The following ZNRF1 variants were observed in gnomAD, a reference collection of about 807,000 sequenced individuals.
The protein encoded by ZNRF1 is E3 ubiquitin-protein ligase ZNRF1.
Under a neutral mutation model 18.4 loss-of-function variants are expected in ZNRF1, and 3 were observed. The observed-to-expected ratio is 0.16, with a 90% CI of 0.07 to 0.42. ZNRF1 has a LOEUF of 0.42. ZNRF1 is among the 10% of genes least tolerant of loss of function. The pLI is 0.99. For synonymous variants in ZNRF1, 157 were observed against 144.2 expected, an observed-to-expected ratio of 1.09 and a Z score of -0.64; for missense variants, 310 against 329.8, an observed-to-expected ratio of 0.94 and a Z score of 0.47.
At chr16:75,106,337 C>CT in intron 3 of ZNRF1, 145 bp from the exon 4 acceptor site, 1 of 746,092 alleles carries the variant, frequency 1.3e-6, no homozygotes. Context: ...GTAGGGATAT[C>CT]TGGGGACATG....
chr16:75,042,889 A>C (rs945531166), intron 1 of ZNRF1, among the ~76,000 whole-genome samples: 1 of 152,146 alleles, frequency 6.6e-6, no homozygotes, highest in Non-Finnish European at 1.5e-5. Flanking sequence ...GCTGTACACC[A>C]ATGCTTGATG....
chr16:75,081,911 T>C (rs2036016687), intron 1 of ZNRF1, among the ~76,000 whole-genome samples: 1 of 152,220 alleles, frequency 6.6e-6, no homozygotes. Context: ...TTCTGAGTCA[T>C]AATTAAATGC....
chr16:75,000,250 C>A, intron 1 of ZNRF1, 155 bp downstream of exon 1: 2 of 1,103,044 alleles, frequency 1.8e-6, no homozygotes, highest in Non-Finnish European at 2.7e-6. Flanking sequence ...GGATACCTAC[C>A]GTCTGGAAAC....
chr16:75,108,091 T>C lies in ZNRF1; in HGVS notation c.*391T>C, dbSNP rs2036338924. 1 of 271,574 alleles carries C rather than the reference T, an allele frequency of 3.7e-6. No homozygotes were observed. Among genetic ancestry groups the C allele is most frequent in the African/African-American group, 2.3e-5 (1 of 43,072 alleles). 16.8% of individuals were successfully genotyped at this position (271,574 alleles called of 1,614,324 possible). On this transcript the variant is annotated 3_prime_UTR_variant, in exon 5 of 5. Coordinates refer to ENST00000335325, the MANE Select transcript of ZNRF1 (RefSeq NM_032268.5). Reference sequence around the variant, plus strand: ...CAGCTTGCTGTTTGCTGCCCAGCCATAACCCACTCAGTGACAGACGAACAC... The same window carrying C: ...CAGCTTGCTGTTTGCTGCCCAGCCACAACCCACTCAGTGACAGACGAACAC...
intron 1 of ZNRF1, among the ~76,000 whole-genome samples, chr16:75,050,947 C>G (rs887504529): frequency 7.0e-6 from 1 of 143,226 alleles, no homozygotes; most frequent in African/African-American, 2.5e-5. Context: ...AATCCTAGCA[C>G]TTTGGGAGGC....
chr16:75,005,383 A>C (rs1567462837), intron 1 of ZNRF1, among the ~76,000 whole-genome samples: 1 of 152,220 alleles, frequency 6.6e-6, no homozygotes, highest in Non-Finnish European at 1.5e-5. Flanking sequence ...TTTATGGGAT[A>C]CTACATTTTG....
At chr16:75,066,300 A>G (rs529436681) in intron 1 of ZNRF1, among the ~76,000 whole-genome samples, 17 of 152,288 alleles carry the variant, frequency 1.1e-4, no homozygotes, top group African/African-American at 3.4e-4. Flanking sequence ...TTTTCCCCCA[A>G]AATACAAGAC....
intron 1 of ZNRF1, among the ~76,000 whole-genome samples, chr16:75,049,652 A>G (rs558192422): frequency 6.6e-6 from 1 of 152,268 alleles, no homozygotes; most frequent in African/African-American, 2.4e-5. Context: ...CAAAAAACAA[A>G]TTTCGCTGCT....
chr16:75,065,586 CTT>C (rs768180079), intron 1 of ZNRF1, among the ~76,000 whole-genome samples: 62 of 152,280 alleles, frequency 4.1e-4, no homozygotes, highest in Middle Eastern at 6.8e-3. Flanking sequence ...AGTTAAAGGT[CTT>C]ATCCCTTCTT....
chr16:75,003,908 G>C (rs571511155), intron 1 of ZNRF1, among the ~76,000 whole-genome samples: 2 of 152,236 alleles, frequency 1.3e-5, no homozygotes, highest in South Asian at 4.2e-4. Flanking sequence ...GAGAGTGGTG[G>C]AGTTCCTATG....
At chr16:75,065,200 G>T (rs576321749) in intron 1 of ZNRF1, among the ~76,000 whole-genome samples, 35 of 152,342 alleles carry the variant, frequency 2.3e-4, no homozygotes, top group African/African-American at 7.5e-4. Context: ...AAAATGATAA[G>T]AAAGCCTGGG....
At chr16:75,105,664 C>T (rs1480074420) in intron 3 of ZNRF1, 1 of 152,316 alleles carries the variant, frequency 6.6e-6, no homozygotes, top group Non-Finnish European at 1.5e-5. Flanking sequence ...CTTGGTCTAG[C>T]TCCCAGCACG....
chr16:75,088,806 A>C (rs1253365096), intron 1 of ZNRF1, among the ~76,000 whole-genome samples: 1 of 152,238 alleles, frequency 6.6e-6, no homozygotes, highest in Non-Finnish European at 1.5e-5. Context: ...GGCTGTCCAT[A>C]GTAATGACTC....
At chr16:75,010,717 T>C (rs375929075) in intron 1 of ZNRF1, among the ~76,000 whole-genome samples, 5 of 54,472 alleles carry the variant, frequency 9.2e-5, no homozygotes, top group African/African-American at 1.5e-4. Context: ...TTTTGTTTTT[T>C]TGTTTTTTTT....
At chr16:75,002,092 C>T (rs2034858428) in intron 1 of ZNRF1, among the ~76,000 whole-genome samples, 1 of 152,204 alleles carries the variant, frequency 6.6e-6, no homozygotes, top group Non-Finnish European at 1.5e-5. Context: ...TAGCATCCAG[C>T]AGTTCAGTGT....
At chr16:75,053,779 G>A (rs1252902576) in intron 1 of ZNRF1, among the ~76,000 whole-genome samples, 1 of 152,092 alleles carries the variant, frequency 6.6e-6, no homozygotes, top group East Asian at 1.9e-4. Context: ...TTTTCAGTTT[G>A]TACTTTGGTG....
chr16:75,102,562 G>A lies in ZNRF1; in HGVS notation c.521-2222G>A, dbSNP rs547239616. 2.2e-4 allele frequency among the ~76,000 whole-genome samples: 33 copies of A among 152,280 alleles called. 1 individual carries two copies. The East Asian group carries it at 3.1e-3, about 14-fold the overall frequency. On this transcript the variant is annotated intron_variant, in intron 2 of 4. Transcript: ENST00000335325. The stretch of plus-strand genomic sequence containing the variant: ...CTGTGGCTTGGAGGACTTCTGGGTC[G>A]CCTTTTGTTCACGTCGCCTCTTTTC...
chr16:75,062,239 G>A (rs1280813864), intron 1 of ZNRF1, among the ~76,000 whole-genome samples: 1 of 152,200 alleles, frequency 6.6e-6, no homozygotes, highest in Non-Finnish European at 1.5e-5. Context: ...AGAAGGGAAT[G>A]CCTGGTCGTT....
intron 2 of ZNRF1, among the ~76,000 whole-genome samples, chr16:75,098,639 A>G (rs1193094972): frequency 6.6e-6 from 1 of 152,150 alleles, no homozygotes; most frequent in African/African-American, 2.4e-5. Context: ...CAGGCACTCC[A>G]CCGCACCTAG....
Sources: allele counts gnomAD v4.1 joint callset (sites outside exome capture counted in the v4.1 genomes callset), GRCh38; gene constraint gnomAD v4.1.1; transcripts MANE v1.5; gene names NCBI Gene and HGNC (gene_info 2026-07-23, HGNC 2026-07-21).